AGPAT1: variants seen among roughly 807,000 people sequenced by gnomAD.
AGPAT1 encodes the protein 1-acylglycerol-3-phosphate O-acyltransferase 1.
In AGPAT1, 6 loss-of-function variants were observed where a neutral mutation model predicts 31.2. The ratio of observed to expected loss-of-function variants is 0.19; its 90% confidence interval spans 0.11 to 0.38. The LOEUF (loss-of-function observed/expected upper bound fraction) is 0.38, where lower values mean the gene tolerates loss of function less well. AGPAT1 is among the 10% of genes least tolerant of loss of function. AGPAT1 has a pLI of 1.00. For missense variants in AGPAT1, 187 were observed against 377.8 expected, an observed-to-expected ratio of 0.49 and a Z score of 4.19; for synonymous variants, 139 against 154.0, an observed-to-expected ratio of 0.90 and a Z score of 0.72.
Position 32,170,925 on chromosome 6 carries a change from G to A in AGPAT1, c.334+12C>T. 2 of 1,605,638 alleles carry A rather than the reference G, an allele frequency of 1.2e-6. No homozygotes were observed. The highest frequency in any genetic ancestry group is 1.1e-5 in the South Asian group (1 of 90,818). On this transcript the variant is annotated intron_variant, in intron 3 of 6. Transcript: ENST00000375107. This position sits in a 1 kb window ranked among gnomAD's most constrained non-coding sequence, Gnocchi z 7.7. ...ATGGCTGGGGGAGGTGTGCCCTGTG[G>A]TGGGGTCTCACCAAGCAGATCGAGA...
In AGPAT1 at chr6:32,170,775, T is replaced by C; in HGVS notation, c.334+162A>G. The C allele has an allele frequency of 8.1e-7, 1 of 1,230,730 alleles. No individual in the cohort carries two copies. The highest frequency in any genetic ancestry group is 1.2e-6 in the Non-Finnish European group (1 of 861,578). 76.2% of individuals were successfully genotyped at this position (1,230,730 alleles called of 1,614,324 possible). A position where few individuals can be genotyped will look rare whatever the true frequency, so the allele number is the denominator to read the frequency against. The stretch of plus-strand genomic sequence containing the variant: ...TGACCAAAAGTATATGTAACCTGCT[T>C]ATGAGGGCAGTTCTACCCAGGGAAT... On this transcript the variant is annotated intron_variant, in intron 3 of 6. Transcript: ENST00000375107. This position sits in a 1 kb window ranked among gnomAD's most constrained non-coding sequence, Gnocchi z 7.7.
Position 32,174,522 on chromosome 6 carries a change from A to C in AGPAT1, c.-10+1292T>G, listed in dbSNP as rs928697310. ...TCATCAAATGTGTGCCAACAGTGCA[A>C]AGAATGGAGGATAATGTCCATAAAT... On this transcript the variant is annotated intron_variant, in intron 1 of 6. Coordinates refer to ENST00000375107, the MANE Select transcript of AGPAT1 (RefSeq NM_006411.4). The surrounding 1 kb of genome is among the most constrained non-coding windows in gnomAD (Gnocchi z 4.5). Among the ~76,000 whole-genome samples the C allele has an allele frequency of 6.6e-6, 1 of 152,230 alleles. No individual in the cohort carries two copies. Among genetic ancestry groups the C allele is most frequent in the Non-Finnish European group, 1.5e-5 (1 of 68,050 alleles).
rs772703499 is a variant in AGPAT1 at position 32,171,049 on chromosome 6, G to C, written c.222C>G (p.Leu74=). Reference sequence around the variant, plus strand: ...GGATCCCGTACAGGTATTTGATGTGGAGCAGCATTAGACGCAAGATCCTGT... The same window carrying C: ...GGATCCCGTACAGGTATTTGATGTGCAGCAGCATTAGACGCAAGATCCTGT... ...ENMKILRLML[L]HIKYLYGIRV... Residue 74 remains leucine, a synonymous_variant, in exon 3 of 7, where the codon CTC becomes CTG. Transcript: ENST00000375107. The surrounding 1 kb of genome is among the most constrained non-coding windows in gnomAD (Gnocchi z 6.9). 1.9e-6 allele frequency: 3 copies of C among 1,612,736 alleles called. No individual in the cohort carries two copies. The South Asian group carries it at 3.3e-5, about 18-fold the overall frequency.
At position 32,175,713 on chromosome 6, in the gene AGPAT1, C is replaced by G; in HGVS notation, c.-10+101G>C. ...CCTCTCCTTTCCCCAGCAACCCTCT[C>G]CCCCAGTCGGCCCTCCCAGACCCAA... On this transcript the variant is annotated intron_variant, in intron 1 of 6. Coordinates refer to ENST00000375107, the MANE Select transcript of AGPAT1 (RefSeq NM_006411.4). The surrounding 1 kb of genome is among the most constrained non-coding windows in gnomAD (Gnocchi z 4.5). The G allele has an allele frequency of 3.4e-6, 2 of 585,474 alleles. No homozygotes were observed. The highest frequency in any genetic ancestry group is 4.3e-6 in the Non-Finnish European group (2 of 464,208). The allele number at this position is 585,474 out of a possible 1,614,324, so 36.3% of individuals were successfully genotyped here. A position where few individuals can be genotyped will look rare whatever the true frequency, so the allele number is the denominator to read the frequency against.
rs748794275 is a variant in AGPAT1, at chr6:32,169,319, C to T, written c.809G>A (p.Arg270Gln). ...TVFREISTDG[R>Q]GGGDYLKKPG... ...CTTCTTCAGATAGTCACCACCACCC[C>T]GGCCATCAGTGGAGATTTCCCGGAA... is the stretch of plus-strand genomic sequence containing the variant. The change falls in exon 7 of 7, where the codon CGG becomes CAG. Residue 270 changes from arginine to glutamine, a missense_variant. Coordinates refer to ENST00000375107, the MANE Select transcript of AGPAT1 (RefSeq NM_006411.4). This position sits in a 1 kb window ranked among gnomAD's most constrained non-coding sequence, Gnocchi z 5.9. 2.0e-5 allele frequency: 33 copies of T among 1,612,928 alleles called. No individual in the cohort carries two copies. Among genetic ancestry groups the T allele is most frequent in the Admixed American group, 1.0e-4 (6 of 60,014 alleles).
At chr6:32,176,397 G>T, upstream of AGPAT1, 1 of 705,536 alleles carries the variant, frequency 1.4e-6, no homozygotes, top group Non-Finnish European at 1.7e-6. Flanking sequence ...ACTTTTACTT[G>T]GTCTCTTTTT....
Position 32,175,973 on chromosome 6 carries a change from G to C in AGPAT1, c.-169C>G. On this transcript the variant is annotated 5_prime_UTR_variant, in exon 1 of 7. Coordinates refer to ENST00000375107, the MANE Select transcript of AGPAT1 (RefSeq NM_006411.4). The surrounding 1 kb of genome is among the most constrained non-coding windows in gnomAD (Gnocchi z 4.5). ...AGCCCCGGCCGATGGAGGGGAGGTG[G>C]GAGTGGGAGGTTGGGCCCATAGCGG... 4 of 985,596 alleles carry C rather than the reference G, an allele frequency of 4.1e-6. No individual in the cohort carries two copies. The highest frequency in any genetic ancestry group is 4.8e-6 in the Non-Finnish European group (4 of 830,128). 61.1% of individuals were successfully genotyped at this position (985,596 alleles called of 1,614,324 possible). A position where few individuals can be genotyped will look rare whatever the true frequency, so the allele number is the denominator to read the frequency against.
At chr6:32,176,956 T>C, upstream of AGPAT1, 1 of 398,572 alleles carries the variant, frequency 2.5e-6, no homozygotes. Context: ...CACCCCCTCT[T>C]CTCTTCCTCC....
rs1785405771 is a variant in AGPAT1, at chr6:32,174,977, GTA to G, written c.-10+835_-10+836del. On this transcript the variant is annotated intron_variant, in intron 1 of 6. Coordinates refer to ENST00000375107, the MANE Select transcript of AGPAT1 (RefSeq NM_006411.4). This position sits in a 1 kb window ranked among gnomAD's most constrained non-coding sequence, Gnocchi z 4.5. ...ATTCAGTCAGACATCAGAGTGTGGG[GTA>G]TTCAGCCAAGCCATGGGATCCCACA... Among the ~76,000 whole-genome samples, 1 of 152,184 alleles carries G rather than the reference GTA, an allele frequency of 6.6e-6. No homozygotes were observed. The highest frequency in any genetic ancestry group is 2.4e-5 in the African/African-American group (1 of 41,440).
At position 32,169,897 on chromosome 6, in the gene AGPAT1, CT is replaced by C; in HGVS notation, c.679+68del. On this transcript the variant is annotated intron_variant, in intron 6 of 6. Coordinates refer to ENST00000375107, the MANE Select transcript of AGPAT1 (RefSeq NM_006411.4). This position sits in a 1 kb window ranked among gnomAD's most constrained non-coding sequence, Gnocchi z 5.9. ...ATGGCTCTGACACTGAATGATCCCCCTGCCTCACAGGGATGTCCTCCCAGCC... is the reference window on the plus strand; with the variant it reads ...ATGGCTCTGACACTGAATGATCCCCCGCCTCACAGGGATGTCCTCCCAGCC... 7.2e-7 allele frequency: 1 copy of C among 1,386,180 alleles called. No homozygotes were observed. Among genetic ancestry groups the C allele is most frequent in the Non-Finnish European group, 1.0e-6 (1 of 981,300 alleles). 85.9% of individuals were successfully genotyped at this position (1,386,180 alleles called of 1,614,324 possible). A position where few individuals can be genotyped will look rare whatever the true frequency, so the allele number is the denominator to read the frequency against.
chr6:32,172,312 C>CAA lies in AGPAT1; in HGVS notation c.-9-809_-9-808dup, dbSNP rs781165370. Among the ~76,000 whole-genome samples, 2 of 110,648 alleles carry CAA rather than the reference C, an allele frequency of 1.8e-5. No homozygotes were observed. The highest frequency in any genetic ancestry group is 6.8e-5 in the African/African-American group (2 of 29,216). The allele number at this position is 110,648 out of a possible 152,430, so 72.6% of individuals were successfully genotyped here. A position where few individuals can be genotyped will look rare whatever the true frequency, so the allele number is the denominator to read the frequency against. On this transcript the variant is annotated intron_variant, in intron 1 of 6. Coordinates refer to ENST00000375107, the MANE Select transcript of AGPAT1 (RefSeq NM_006411.4). This position sits in a 1 kb window ranked among gnomAD's most constrained non-coding sequence, Gnocchi z 4.3. ...GGGCAATGGAGTGAGACTCCATTTC[C>CAA]AAAAAAAAAAAAAGAAATTATAATC... is the stretch of plus-strand genomic sequence containing the variant.
chr6:32,176,323 G>A (rs1785554459), upstream of AGPAT1, among the ~76,000 whole-genome samples: 1 of 152,030 alleles, frequency 6.6e-6, no homozygotes, highest in Non-Finnish European at 1.5e-5. Context: ...TGGATCCCCT[G>A]GTGCTGTATT....
chr6:32,175,338 C>T lies in AGPAT1; in HGVS notation c.-10+476G>A, dbSNP rs925897601. 7.9e-5 allele frequency among the ~76,000 whole-genome samples: 12 copies of T among 152,188 alleles called. No individual in the cohort carries two copies. The highest frequency in any genetic ancestry group is 1.3e-4 in the Non-Finnish European group (9 of 68,026). ...AGGCACACAGACTCAATGTAGAAAA[C>T]ATGGCTCCCATAAGGCATTTGTGTG... On this transcript the variant is annotated intron_variant, in intron 1 of 6. Transcript: ENST00000375107. The surrounding 1 kb of genome is among the most constrained non-coding windows in gnomAD (Gnocchi z 4.5).
chr6:32,175,408 G>A lies in AGPAT1; in HGVS notation c.-10+406C>T, dbSNP rs1400598233. ...GTGGAAGGCCACTGAGAAACAAGAG[G>A]TCCTGTGCCTAGATGGAAACAGAGG... On this transcript the variant is annotated intron_variant, in intron 1 of 6. Coordinates refer to ENST00000375107, the MANE Select transcript of AGPAT1 (RefSeq NM_006411.4). The surrounding 1 kb of genome is among the most constrained non-coding windows in gnomAD (Gnocchi z 4.5). 6.6e-6 allele frequency among the ~76,000 whole-genome samples: 1 copy of A among 152,106 alleles called. No individual in the cohort carries two copies. The highest frequency in any genetic ancestry group is 1.5e-5 in the Non-Finnish European group (1 of 68,026).
At position 32,172,651 on chromosome 6, in the gene AGPAT1, C is replaced by T. The variant is rs1165244848; in HGVS notation, c.-9-1146G>A. On this transcript the variant is annotated intron_variant, in intron 1 of 6. Transcript: ENST00000375107. The surrounding 1 kb of genome is among the most constrained non-coding windows in gnomAD (Gnocchi z 4.3). Reference sequence around the variant, plus strand: ...CTGTGTTCCTAACCACTCCATTACGCTGACACTGGTATGTATTGCATATAT... The same window carrying T: ...CTGTGTTCCTAACCACTCCATTACGTTGACACTGGTATGTATTGCATATAT... Among the ~76,000 whole-genome samples the T allele has an allele frequency of 6.6e-6, 1 of 152,198 alleles. No individual in the cohort carries two copies. Among genetic ancestry groups the T allele is most frequent in the Non-Finnish European group, 1.5e-5 (1 of 68,038 alleles).
chr6:32,171,165 G>A lies in AGPAT1; in HGVS notation c.201-95C>T, dbSNP rs1785063691. 17 of 1,587,710 alleles carry A rather than the reference G, an allele frequency of 1.1e-5. No individual in the cohort carries two copies. Among genetic ancestry groups the A allele is most frequent in the South Asian group, 6.9e-5 (6 of 87,222 alleles). Reference sequence around the variant, plus strand: ...CCTTACTGTCTTTCTGACCACCTTTGCAGTCCTCTCCCCATTCCCTGTCTC... The same window carrying A: ...CCTTACTGTCTTTCTGACCACCTTTACAGTCCTCTCCCCATTCCCTGTCTC... On this transcript the variant is annotated intron_variant, in intron 2 of 6. Coordinates refer to ENST00000375107, the MANE Select transcript of AGPAT1 (RefSeq NM_006411.4). The surrounding 1 kb of genome is among the most constrained non-coding windows in gnomAD (Gnocchi z 6.9).
At position 32,172,851 on chromosome 6, in the gene AGPAT1, A is replaced by C. The variant is rs935318404; in HGVS notation, c.-9-1346T>G. 1 of 152,244 alleles carries C rather than the reference A, an allele frequency of 6.6e-6. No individual in the cohort carries two copies. The highest frequency in any genetic ancestry group is 1.5e-5 in the Non-Finnish European group (1 of 68,040). The allele number at this position is 152,244 out of a possible 1,614,324, so 9.4% of individuals were successfully genotyped here. On this transcript the variant is annotated intron_variant, in intron 1 of 6. Transcript: ENST00000375107. The surrounding 1 kb of genome is among the most constrained non-coding windows in gnomAD (Gnocchi z 4.3). ...CACAAATTTATAATTACACCCAGTG[A>C]CAGATAAAAGAATGTAAATGCATAA...
rs1361801817 is a variant in AGPAT1, at chr6:32,173,488, CCA to C, written c.-9-1985_-9-1984del. ...CTCCAATCCATCTTCCACGTAGCAA[CCA>C]CAGAGATTTTTCTGTTAGCACAGAT... On this transcript the variant is annotated intron_variant, in intron 1 of 6. Transcript: ENST00000375107. The surrounding 1 kb of genome is among the most constrained non-coding windows in gnomAD (Gnocchi z 4.7). Among the ~76,000 whole-genome samples the C allele has an allele frequency of 2.6e-5, 4 of 152,216 alleles. No homozygotes were observed. The highest frequency in any genetic ancestry group is 2.1e-4 in the South Asian group (1 of 4,834).
chr6:32,170,728 G>T lies in AGPAT1; in HGVS notation c.335-128C>A. On this transcript the variant is annotated intron_variant, in intron 3 of 6. Transcript: ENST00000375107. This position sits in a 1 kb window ranked among gnomAD's most constrained non-coding sequence, Gnocchi z 7.7. ...GAAGGAGGAGACTAGGCAGGGAGGG[G>T]GGCCCCAAGTGAAGGAAAGGGTGAC... 7.3e-7 allele frequency: 1 copy of T among 1,372,988 alleles called. No homozygotes were observed. The highest frequency in any genetic ancestry group is 1.0e-6 in the Non-Finnish European group (1 of 983,118). The allele number at this position is 1,372,988 out of a possible 1,614,324, so 85.1% of individuals were successfully genotyped here.
Sources: allele counts gnomAD v4.1 joint callset (sites outside exome capture counted in the v4.1 genomes callset), GRCh38; gene constraint gnomAD v4.1.1; non-coding constraint Gnocchi (gnomAD v3.1); transcripts MANE v1.5; gene names NCBI Gene and HGNC (gene_info 2026-07-23, HGNC 2026-07-21).